Variants in SYT1 observed in about 807,000 individuals in gnomAD.
The protein encoded by SYT1 is synaptotagmin-1.
Under a neutral mutation model 44.8 loss-of-function variants are expected in SYT1, and 8 were observed. The observed-to-expected ratio is 0.18, with a 90% CI of 0.10 to 0.32. The LOEUF is 0.32. Ranked by LOEUF, SYT1 falls within the 10% of genes least tolerant of loss-of-function variation. The probability of loss-of-function intolerance (pLI) is 1.00; values close to 1 mark genes in which losing one functional copy is unlikely to be tolerated. For missense variants in SYT1, 286 were observed against 509.3 expected (o/e 0.56, Z 4.22); for synonymous variants, 154 against 188.8 (o/e 0.82, Z 1.51).
At chr12:79,440,068 A>C (rs1320899892) in intron 9 of SYT1, among the ~76,000 whole-genome samples, 1 of 152,174 alleles carries the variant, frequency 6.6e-6, no homozygotes, top group Admixed American at 6.5e-5. Context: ...TCTACTAAAA[A>C]TACAAAAATT....
At position 79,217,189 on chromosome 12, in the gene SYT1, G is replaced by A. The variant is rs1874859301; in HGVS notation, c.-17-314G>A. ...TTTCATACACGTTTTGGTAAGATAT[G>A]GGTTAAAAGTTAAATCTACACAGCA... On this transcript the variant is annotated intron_variant, in intron 3 of 10. Transcript: ENST00000261205. Among the ~76,000 whole-genome samples, 3 of 152,012 alleles carry A rather than the reference G, an allele frequency of 2.0e-5. No individual in the cohort carries two copies. The South Asian group carries it at 6.2e-4, about 32-fold the overall frequency.
chr12:79,006,948 C>A lies in SYT1; in HGVS notation c.-84+29017C>A, dbSNP rs540488282. Among the ~76,000 whole-genome samples the A allele has an allele frequency of 5.3e-5, 8 of 152,124 alleles. No individual in the cohort carries two copies. The South Asian group carries it at 1.7e-3, about 32-fold the overall frequency. On this transcript the variant is annotated intron_variant, in intron 2 of 10. Coordinates refer to ENST00000261205, the MANE Select transcript of SYT1 (RefSeq NM_005639.3). ...TATTTCTTGCTTTGTAAATTTTTTC[C>A]AGCCACTAGCAGAGTTCTAAAGAAA...
chr12:79,211,799 CA>C (rs1874474316), intron 3 of SYT1, among the ~76,000 whole-genome samples: 1 of 151,934 alleles, frequency 6.6e-6, no homozygotes, highest in Non-Finnish European at 1.5e-5. Flanking sequence ...CATAGTATTC[CA>C]TGGTGTATAT....
chr12:79,139,051 C>G (rs1045896747), intron 3 of SYT1, among the ~76,000 whole-genome samples: 1 of 152,178 alleles, frequency 6.6e-6, no homozygotes, highest in Non-Finnish European at 1.5e-5. Context: ...GTGGCTTAGC[C>G]CAGCTCTGCT....
At chr12:79,134,630 C>T (rs1309843823) in intron 3 of SYT1, among the ~76,000 whole-genome samples, 1 of 152,130 alleles carries the variant, frequency 6.6e-6, no homozygotes, top group Non-Finnish European at 1.5e-5. Context: ...TTATGTCTGT[C>T]TCATCCCTTA....
At chr12:79,028,087 C>T (rs1291197380) in intron 2 of SYT1, among the ~76,000 whole-genome samples, 1 of 151,410 alleles carries the variant, frequency 6.6e-6, no homozygotes, top group Non-Finnish European at 1.5e-5. Context: ...ATTGCTTGTT[C>T]AAGTAATATT....
intron 9 of SYT1, among the ~76,000 whole-genome samples, chr12:79,373,220 T>C (rs1883862853): frequency 6.6e-6 from 1 of 152,210 alleles, no homozygotes; most frequent in African/African-American, 2.4e-5. Flanking sequence ...TGTGCTTAAC[T>C]AGCTTAGGTT....
chr12:79,037,280 A>G (rs1173512416), intron 2 of SYT1, among the ~76,000 whole-genome samples: 1 of 142,482 alleles, frequency 7.0e-6, no homozygotes, highest in Non-Finnish European at 1.6e-5. Context: ...ATTAATTCCC[A>G]TCCTTTTTTT....
At chr12:79,253,467 C>T (rs896309269) in intron 4 of SYT1, among the ~76,000 whole-genome samples, 16 of 145,516 alleles carry the variant, frequency 1.1e-4, no homozygotes, top group African/African-American at 3.8e-4. Context: ...ACTGTTCCAC[C>T]AAAAGCCATT....
At chr12:79,063,087 C>T (rs1875509109) in intron 3 of SYT1, among the ~76,000 whole-genome samples, 1 of 152,160 alleles carries the variant, frequency 6.6e-6, no homozygotes, top group Admixed American at 6.5e-5. Flanking sequence ...ACATATGCCA[C>T]CTCCTTTAAC....
chr12:78,890,751 G>A (rs377552236), intron 1 of SYT1, among the ~76,000 whole-genome samples: 7 of 151,670 alleles, frequency 4.6e-5, no homozygotes, highest in Non-Finnish European at 8.8e-5. Flanking sequence ...TCCTTACACT[G>A]TCTTTCTTAT....
rs543619238 is a variant in SYT1, at chr12:79,449,962, A to ATTTG, written c.*843_*846dup. ...TGTGTGTGTGTGTGTGTGTGTGCAC[A>ATTTG]TTTGTTTGGGGATGGGGGAGAAGAA... On this transcript the variant is annotated 3_prime_UTR_variant, in exon 11 of 11. Transcript: ENST00000261205. The ATTTG allele has an allele frequency of 7.8e-6, 1 of 128,764 alleles. No homozygotes were observed. Among genetic ancestry groups the ATTTG allele is most frequent in the African/African-American group, 3.0e-5 (1 of 33,828 alleles). 8.0% of individuals were successfully genotyped at this position (128,764 alleles called of 1,614,324 possible). A position where few individuals can be genotyped will look rare whatever the true frequency, so the allele number is the denominator to read the frequency against.
chr12:79,417,916 G>A (rs543176919), intron 9 of SYT1, among the ~76,000 whole-genome samples: 2 of 151,982 alleles, frequency 1.3e-5, no homozygotes, highest in African/African-American at 4.8e-5. Flanking sequence ...GATGGGGCCC[G>A]ATGTTCTGCA....
intron 1 of SYT1, among the ~76,000 whole-genome samples, chr12:78,932,184 G>A (rs1337484457): frequency 5.3e-5 from 8 of 152,102 alleles, no homozygotes; most frequent in Non-Finnish European, 7.4e-5. Flanking sequence ...AATATAATCT[G>A]AATATCAAAA....
At chr12:79,161,710 C>G (rs753654295) in intron 3 of SYT1, among the ~76,000 whole-genome samples, 18 of 152,134 alleles carry the variant, frequency 1.2e-4, no homozygotes, top group Non-Finnish European at 2.2e-4. Flanking sequence ...GGTCACAGAG[C>G]TAGTAAGTGA....
At chr12:79,221,518 T>G (rs998893850) in intron 4 of SYT1, among the ~76,000 whole-genome samples, 2 of 152,292 alleles carry the variant, frequency 1.3e-5, no homozygotes, top group Non-Finnish European at 1.5e-5. Context: ...GGCTAAATGA[T>G]TTTTCTCTAG....
intron 2 of SYT1, among the ~76,000 whole-genome samples, chr12:79,017,892 G>A (rs1007344012): frequency 4.6e-5 from 7 of 152,060 alleles, no homozygotes; most frequent in Admixed American, 4.6e-4. Flanking sequence ...CCAGGCCAAA[G>A]GTGAAGAGGT....
chr12:79,113,236 C>A (rs2138098898), intron 3 of SYT1, among the ~76,000 whole-genome samples: 1 of 152,206 alleles, frequency 6.6e-6, no homozygotes, highest in Admixed American at 6.5e-5. Flanking sequence ...ATGACCATAA[C>A]AATTGGCATC....
chr12:79,018,663 G>T (rs1871973761), intron 2 of SYT1, among the ~76,000 whole-genome samples: 1 of 152,012 alleles, frequency 6.6e-6, no homozygotes, highest in Non-Finnish European at 1.5e-5. Context: ...GCCACTTGAG[G>T]GTGGAGACTT....
Sources: allele counts gnomAD v4.1 joint callset (sites outside exome capture counted in the v4.1 genomes callset), GRCh38; gene constraint gnomAD v4.1.1; transcripts MANE v1.5; gene names NCBI Gene and HGNC (gene_info 2026-07-23, HGNC 2026-07-21).